COL15A1: variants seen among roughly 807,000 people sequenced by gnomAD.
COL15A1 encodes the protein collagen alpha-1(XV) chain.
A neutral mutation model predicts 165.9 loss-of-function variants in COL15A1; 111 were observed. The ratio of observed to expected loss-of-function variants is 0.67; its 90% confidence interval spans 0.57 to 0.78. The LOEUF is 0.78. COL15A1 is among the 30% of genes least tolerant of loss of function. The pLI, the probability that COL15A1 is intolerant of heterozygous loss-of-function variation, is 0.00. For missense variants in COL15A1, 1,745 were observed against 1,789.7 expected (o/e 0.98, Z 0.45); for synonymous variants, 659 against 674.8 (o/e 0.98, Z 0.36).
At chr9:99,010,048 G>A (rs958891520) in intron 9 of COL15A1, among the ~76,000 whole-genome samples, 1 of 152,200 alleles carries the variant, frequency 6.6e-6, no homozygotes, top group African/African-American at 2.4e-5. Flanking sequence ...CTCTTCTGCA[G>A]TAGTCTTTGG....
intron 24 of COL15A1, among the ~76,000 whole-genome samples, chr9:99,042,596 G>T (rs897215309): frequency 9.2e-5 from 14 of 152,320 alleles, no homozygotes; most frequent in African/African-American, 3.1e-4. Context: ...CTAATATGGG[G>T]CCTGGTATAC....
At chr9:99,062,365 C>T in intron 38 of COL15A1, 61 bp downstream of exon 38, 3 of 1,234,234 alleles carry the variant, frequency 2.4e-6, no homozygotes, top group South Asian at 2.4e-5. Flanking sequence ...CTGAGTCCTC[C>T]TTGGTATCTA....
Position 98,996,914 on chromosome 9 carries a change from C to A in COL15A1, c.805-20C>A. Reference sequence around the variant, plus strand: ...TACTGCCAAGTAAATCATTTTGCATCTCATTTTTCCTCCCTTCAGCCCAAA... The same window carrying A: ...TACTGCCAAGTAAATCATTTTGCATATCATTTTTCCTCCCTTCAGCCCAAA... On this transcript the variant is annotated intron_variant, in intron 5 of 41. Coordinates refer to ENST00000375001, the MANE Select transcript of COL15A1 (RefSeq NM_001855.5). 6.2e-7 allele frequency: 1 copy of A among 1,609,162 alleles called. No homozygotes were observed. Among genetic ancestry groups the A allele is most frequent in the Non-Finnish European group, 8.5e-7 (1 of 1,176,168 alleles).
In COL15A1 at chr9:99,023,404, C is replaced by T. The variant is rs770129920; in HGVS notation, c.1809C>T (p.Val603=). Residue 603 remains valine, a synonymous_variant, in exon 14 of 42, where the codon GTC becomes GTT. Coordinates refer to ENST00000375001, the MANE Select transcript of COL15A1 (RefSeq NM_001855.5). ...CTGGCCTAGGCTGGGGCTCGGACGT[C>T]GGCTCTGGCTCTGGTGACCTGGTGG... is the stretch of plus-strand genomic sequence containing the variant. ...EGSGLGWGSD[V]GSGSGDLVGS... is the part of the protein sequence containing the mutation. 85 of 1,596,874 alleles carry T rather than the reference C, an allele frequency of 5.3e-5. No individual in the cohort carries two copies. In the East Asian group the frequency reaches 1.7e-3, roughly 32 times the overall value.
At chr9:98,962,103 G>A (rs1055877197) in intron 2 of COL15A1, among the ~76,000 whole-genome samples, 2 of 152,242 alleles carry the variant, frequency 1.3e-5, no homozygotes, top group Admixed American at 6.5e-5. Context: ...TCGGACCAGC[G>A]CTAAGGTCAT....
chr9:99,025,861 T>C, intron 15 of COL15A1, 43 bp from the exon 16 acceptor site: 1 of 1,597,518 alleles, frequency 6.3e-7, no homozygotes, highest in Non-Finnish European at 8.5e-7. Context: ...TATGTGATAT[T>C]TAGCAGAAAT....
intron 5 of COL15A1, among the ~76,000 whole-genome samples, chr9:98,991,980 G>T (rs892476364): frequency 6.6e-6 from 1 of 152,232 alleles, no homozygotes; most frequent in Non-Finnish European, 1.5e-5. Context: ...GGTGCTGATT[G>T]GTGTGTTTAC....
rs1403971244 is a variant in COL15A1, at chr9:99,044,648, A to G, written c.2643+12A>G. ...TGATGGGGAAAAAGGTAATTATGTC[A>G]CCAGACCCTGCAGGCACATATCTGC... On this transcript the variant is annotated intron_variant, in intron 25 of 41. Coordinates refer to ENST00000375001, the MANE Select transcript of COL15A1 (RefSeq NM_001855.5). The G allele has an allele frequency of 5.6e-6, 9 of 1,613,728 alleles. No homozygotes were observed. Among genetic ancestry groups the G allele is most frequent in the Non-Finnish European group, 7.6e-6 (9 of 1,179,728 alleles).
chr9:99,045,203 T>A (rs1450170275), intron 26 of COL15A1, among the ~76,000 whole-genome samples: 1 of 152,180 alleles, frequency 6.6e-6, no homozygotes, highest in African/African-American at 2.4e-5. Context: ...CAAAATGTAG[T>A]TTAGCTGTGT....
chr9:98,960,803 G>T (rs1013737948), intron 2 of COL15A1, among the ~76,000 whole-genome samples: 1 of 152,220 alleles, frequency 6.6e-6, no homozygotes, highest in African/African-American at 2.4e-5. Flanking sequence ...CAGTAACAAG[G>T]TTCCATCTCA....
At chr9:99,004,372 AG>A (rs1838719868) in intron 8 of COL15A1, among the ~76,000 whole-genome samples, 1 of 152,122 alleles carries the variant, frequency 6.6e-6, no homozygotes, top group Non-Finnish European at 1.5e-5. Flanking sequence ...CCAGTGAGCA[AG>A]GGGCTGAGAA....
intron 39 of COL15A1, among the ~76,000 whole-genome samples, chr9:99,066,597 C>CTGTTTTTTTT (rs1825894875): frequency 1.5e-5 from 1 of 65,114 alleles, no homozygotes; most frequent in Non-Finnish European, 3.0e-5. Context: ...ATATTTTGTT[C>CTGTTTTTTTT]TGTTTTTTTT....
At chr9:98,963,367 C>G (rs1270365928) in intron 2 of COL15A1, among the ~76,000 whole-genome samples, 1 of 152,166 alleles carries the variant, frequency 6.6e-6, no homozygotes, top group Non-Finnish European at 1.5e-5. Context: ...ATTCCAGCTC[C>G]CCCAAATTGC....
At chr9:99,039,444 G>A (rs775798132) in intron 22 of COL15A1, among the ~76,000 whole-genome samples, 1 of 152,344 alleles carries the variant, frequency 6.6e-6, no homozygotes, top group Non-Finnish European at 1.5e-5. Flanking sequence ...GGGAGGCGGA[G>A]GTTGCAGTGA....
At position 99,016,112 on chromosome 9, in the gene COL15A1, T is replaced by C. The variant is rs765160525; in HGVS notation, c.1640T>C (p.Ile547Thr). 3 of 1,610,950 alleles carry C rather than the reference T, an allele frequency of 1.9e-6. No homozygotes were observed. The South Asian group carries it at 3.3e-5, about 18-fold the overall frequency. ...PLPTVAPERWITPAQREHVGM... is the reference protein window; with the variant it reads ...PLPTVAPERWTTPAQREHVGM... ...CCCACAGTGGCTCCTGAAAGATGGA[T>C]CACTCCAGTAAGTGGCATAGAGCTG... The change falls in exon 11 of 42, where the codon ATC (isoleucine) becomes ACC (threonine). Residue 547 changes from isoleucine to threonine, a missense_variant. Transcript: ENST00000375001.
chr9:99,016,519 A>C (rs1263535553), intron 11 of COL15A1, among the ~76,000 whole-genome samples: 2 of 152,174 alleles, frequency 1.3e-5, no homozygotes, highest in African/African-American at 4.8e-5. Context: ...TCTTGGCTAC[A>C]ACTGTGTGAC....
intron 5 of COL15A1, among the ~76,000 whole-genome samples, chr9:98,995,432 C>A (rs934599632): frequency 3.9e-5 from 6 of 152,184 alleles, no homozygotes; most frequent in African/African-American, 1.4e-4. Flanking sequence ...GCTGCCCCCA[C>A]CACTCCCTCT....
At chr9:98,968,827 G>A (rs1837997511) in intron 2 of COL15A1, among the ~76,000 whole-genome samples, 1 of 152,170 alleles carries the variant, frequency 6.6e-6, no homozygotes, top group East Asian at 1.9e-4. Flanking sequence ...GGAGGAGTAA[G>A]CTGACTCCCA....
chr9:99,024,735 T>G (rs7028686), intron 14 of COL15A1, 139 bp from the exon 15 acceptor site: 175,625 of 922,066 alleles, frequency 0.19, 20,003 homozygotes, highest in East Asian at 0.43. Context: ...CTGAGCCTTA[T>G]TTTCCGCATC....
Sources: allele counts gnomAD v4.1 joint callset (sites outside exome capture counted in the v4.1 genomes callset), GRCh38; gene constraint gnomAD v4.1.1; transcripts MANE v1.5; gene names NCBI Gene and HGNC (gene_info 2026-07-23, HGNC 2026-07-21).